KIAA1549: variants seen among roughly 807,000 people sequenced by gnomAD.
The protein encoded by KIAA1549 is KIAA1549.
KIAA1549 carries 70 observed loss-of-function variants against 156.4 expected under a neutral mutation model. That is an observed-to-expected ratio of 0.45 (90% CI 0.37 to 0.55). The LOEUF is 0.55. KIAA1549 is among the 20% of genes least tolerant of loss of function. KIAA1549 has a pLI of 0.00. For missense variants in KIAA1549, 2,428 were observed against 2,540.9 expected (o/e 0.96, Z 0.96); for synonymous variants, 1,103 against 1,066.4 (o/e 1.03, Z -0.67).
At chr7:138,862,807 G>A (rs888573887) in intron 15 of KIAA1549, among the ~76,000 whole-genome samples, 1 of 152,166 alleles carries the variant, frequency 6.6e-6, no homozygotes, top group Non-Finnish European at 1.5e-5. Context: ...GTGCACGCCT[G>A]TAATCTCAGC....
chr7:138,854,708 A>G (rs982126446), intron 16 of KIAA1549, among the ~76,000 whole-genome samples: 2 of 152,194 alleles, frequency 1.3e-5, no homozygotes, highest in Non-Finnish European at 2.9e-5. Context: ...AGCTGCTACC[A>G]TTCTCATCCA....
At chr7:138,843,420 G>A (rs542780163) in intron 18 of KIAA1549, among the ~76,000 whole-genome samples, 1 of 152,172 alleles carries the variant, frequency 6.6e-6, no homozygotes, top group Non-Finnish European at 1.5e-5. Flanking sequence ...ATCGTGAGGT[G>A]CTGTAAATTT....
At chr7:138,862,802 C>T (rs1432600962) in intron 15 of KIAA1549, among the ~76,000 whole-genome samples, 1 of 152,074 alleles carries the variant, frequency 6.6e-6, no homozygotes, top group Non-Finnish European at 1.5e-5. Flanking sequence ...GTAGTGTGCA[C>T]GCCTGTAATC....
At chr7:138,855,218 C>T (rs1250680706) in intron 16 of KIAA1549, among the ~76,000 whole-genome samples, 20 of 152,178 alleles carry the variant, frequency 1.3e-4, no homozygotes, top group Non-Finnish European at 2.5e-4. Flanking sequence ...CTTTGGAAAA[C>T]GCAAGACAAG....
chr7:138,860,992 T>C, intron 16 of KIAA1549, 147 bp downstream of exon 16: 2 of 752,622 alleles, frequency 2.7e-6, no homozygotes, highest in Non-Finnish European at 2.2e-6. Flanking sequence ...ATTAATTTAG[T>C]AGAAGATAAA....
chr7:138,965,320 C>T (rs1208890305), intron 1 of KIAA1549, among the ~76,000 whole-genome samples: 1 of 152,076 alleles, frequency 6.6e-6, no homozygotes, highest in Non-Finnish European at 1.5e-5. Context: ...AGATACTGTA[C>T]TCTCAAACTA....
In KIAA1549 at chr7:138,869,582, G is replaced by A. The variant is rs751650212; in HGVS notation, c.4731C>T (p.Asp1577=). 7 of 1,596,050 alleles carry A rather than the reference G, an allele frequency of 4.4e-6. No individual in the cohort carries two copies. The Admixed American group carries it at 5.2e-5, about 12-fold the overall frequency. ...RAQMQIDKIL[D]PTASVPSVFI... is the part of the protein sequence containing the mutation. ...ACACGGAGGGCACGCTGGCCGTGGG[G>A]TCCAGGATCTTGTCGATCTGCATCT... Residue 1577 remains aspartate (D), a synonymous_variant, in exon 14 of 20, where the codon GAC becomes GAT. Transcript: ENST00000422774.
At chr7:138,935,809 T>C (rs1025389831) in intron 1 of KIAA1549, among the ~76,000 whole-genome samples, 1 of 152,204 alleles carries the variant, frequency 6.6e-6, no homozygotes, top group Non-Finnish European at 1.5e-5. Flanking sequence ...TAAGCTTTTA[T>C]TTTATATCAA....
At position 138,917,346 on chromosome 7, in the gene KIAA1549, A is replaced by G; in HGVS notation, c.2280T>C (p.Ile760=). 2 of 1,613,988 alleles carry G rather than the reference A, an allele frequency of 1.2e-6. No individual in the cohort carries two copies. Among genetic ancestry groups the G allele is most frequent in the Middle Eastern group, 3.3e-4 (2 of 6,062 alleles). ...ETTSYLESSL[I]SHESAVTALV... Reference sequence around the variant, plus strand: ...GTGCAGTGACTGCGGATTCATGGGAAATGAGTGAAGACTCAAGATAGGAGG... The same window carrying G: ...GTGCAGTGACTGCGGATTCATGGGAGATGAGTGAAGACTCAAGATAGGAGG... The change falls in exon 2 of 20, where the codon ATT becomes ATC. Residue 760 remains isoleucine (I), a synonymous_variant. Transcript: ENST00000422774.
intron 18 of KIAA1549, among the ~76,000 whole-genome samples, chr7:138,840,689 T>C (rs1169189005): frequency 6.6e-6 from 1 of 152,058 alleles, no homozygotes; most frequent in Non-Finnish European, 1.5e-5. Context: ...CTTGCTCAGA[T>C]CTAAAAACCT....
At chr7:138,937,359 T>C (rs1813046397) in intron 1 of KIAA1549, among the ~76,000 whole-genome samples, 1 of 152,196 alleles carries the variant, frequency 6.6e-6, no homozygotes, top group South Asian at 2.1e-4. Flanking sequence ...CTGTGTCTTA[T>C]CAGTGTGCCT....
intron 10 of KIAA1549, among the ~76,000 whole-genome samples, chr7:138,884,520 T>C (rs944306458): frequency 4.6e-5 from 7 of 152,168 alleles, no homozygotes; most frequent in African/African-American, 1.7e-4. Flanking sequence ...AACAGATTCT[T>C]TGTGGTAATA....
At chr7:138,966,671 G>A (rs113610502) in intron 1 of KIAA1549, among the ~76,000 whole-genome samples, 8 of 152,000 alleles carry the variant, frequency 5.3e-5, no homozygotes, top group African/African-American at 1.9e-4. Context: ...CAGATTAAGG[G>A]TGGGTCTGCT....
intron 1 of KIAA1549, among the ~76,000 whole-genome samples, chr7:138,953,457 T>A (rs1004132746): frequency 1.3e-5 from 2 of 152,044 alleles, no homozygotes; most frequent in Non-Finnish European, 1.5e-5. Context: ...AAATAAGCAA[T>A]TATAAAAAGA....
intron 1 of KIAA1549, among the ~76,000 whole-genome samples, chr7:138,936,635 T>A (rs1190780290): frequency 1.3e-5 from 2 of 152,076 alleles, no homozygotes; most frequent in Non-Finnish European, 2.9e-5. Flanking sequence ...GGTGGTGTCT[T>A]AAGCCCCATA....
intron 4 of KIAA1549, among the ~76,000 whole-genome samples, chr7:138,910,633 A>G (rs1160155939): frequency 1.3e-5 from 2 of 151,474 alleles, no homozygotes; most frequent in South Asian, 2.1e-4. Context: ...CCAGAGCTCA[A>G]GTGATCTGCT....
intron 1 of KIAA1549, among the ~76,000 whole-genome samples, chr7:138,955,322 T>A (rs1348295175): frequency 6.6e-6 from 1 of 152,160 alleles, no homozygotes; most frequent in Admixed American, 6.5e-5. Flanking sequence ...AGGAAGGAAA[T>A]TCTGACACAC....
chr7:138,935,489 TTC>T (rs140541406), intron 1 of KIAA1549, among the ~76,000 whole-genome samples: 5 of 151,906 alleles, frequency 3.3e-5, no homozygotes, highest in Non-Finnish European at 7.4e-5. Flanking sequence ...GCAAAAAAAT[TTC>T]TGTCAGCCAT....
intron 6 of KIAA1549, among the ~76,000 whole-genome samples, chr7:138,905,440 G>A (rs904313546): frequency 7.9e-5 from 12 of 152,174 alleles, no homozygotes; most frequent in Non-Finnish European, 1.5e-4. Flanking sequence ...GACCACATGC[G>A]TTGACCTGCC....
Sources: allele counts gnomAD v4.1 joint callset (sites outside exome capture counted in the v4.1 genomes callset), GRCh38; gene constraint gnomAD v4.1.1; transcripts MANE v1.5; gene names NCBI Gene and HGNC (gene_info 2026-07-23, HGNC 2026-07-21).